Variants in NHSL1 observed in about 807,000 individuals in gnomAD.
The protein encoded by NHSL1 is NHS-like protein 1.
Under a neutral mutation model 95.0 loss-of-function variants are expected in NHSL1, and 48 were observed. The observed-to-expected ratio is 0.51, with a 90% CI of 0.40 to 0.64. The LOEUF (loss-of-function observed/expected upper bound fraction) is 0.64, where lower values mean the gene tolerates loss of function less well. Ranked by LOEUF, NHSL1 falls within the 30% of genes least tolerant of loss-of-function variation. NHSL1 has a pLI of 0.00. For synonymous variants in NHSL1, 783 were observed against 833.9 expected (o/e 0.94, Z 1.05); for missense variants, 1,971 against 2,077.7 (o/e 0.95, Z 1.00).
At chr6:138,608,722 A>G (rs1176435790) in intron 1 of NHSL1, among the ~76,000 whole-genome samples, 1 of 152,272 alleles carries the variant, frequency 6.6e-6, no homozygotes, top group Non-Finnish European at 1.5e-5. Context: ...AAAACAAAGC[A>G]GAGCGGCCTC....
intron 1 of NHSL1, among the ~76,000 whole-genome samples, chr6:138,664,943 C>T (rs1302003495): frequency 6.6e-6 from 1 of 152,118 alleles, no homozygotes; most frequent in African/African-American, 2.4e-5. Flanking sequence ...ATGAGGCCCA[C>T]CCAGCTTTAT....
At chr6:138,647,054 T>C (rs7769975) in intron 1 of NHSL1, among the ~76,000 whole-genome samples, 4,300 of 152,306 alleles carry the variant, frequency 0.028, 205 homozygotes, top group African/African-American at 0.097. Flanking sequence ...GGTCATCATT[T>C]GCATCCACTA....
At chr6:138,485,503 T>G (rs1779672798) in intron 2 of NHSL1, among the ~76,000 whole-genome samples, 1 of 150,664 alleles carries the variant, frequency 6.6e-6, no homozygotes, top group South Asian at 2.1e-4. Context: ...TCTTTAACTA[T>G]CTGAAAAAGC....
chr6:138,588,283 T>A lies in NHSL1; in HGVS notation c.97-91912A>T, dbSNP rs1258262928. ...TTCAAGACCAGCCTGGGCAACATGG[T>A]GAAACCCCGCCTCTACTAAAAATAC... On this transcript the variant is annotated intron_variant, in intron 1 of 3. Transcript: ENST00000491526. Among the ~76,000 whole-genome samples the A allele has an allele frequency of 4.6e-5, 7 of 152,110 alleles. 1 individual carries two copies. The highest frequency in any genetic ancestry group is 2.6e-4 in the Admixed American group (4 of 15,268).
At chr6:138,662,185 AAT>A (rs1785236608) in intron 1 of NHSL1, among the ~76,000 whole-genome samples, 1 of 152,004 alleles carries the variant, frequency 6.6e-6, no homozygotes, top group Non-Finnish European at 1.5e-5. Flanking sequence ...CTTTGCCCTA[AAT>A]AGTTATCTTT....
At chr6:138,463,701 C>A (rs1380097106) in intron 3 of NHSL1, among the ~76,000 whole-genome samples, 1 of 151,922 alleles carries the variant, frequency 6.6e-6, no homozygotes, top group Non-Finnish European at 1.5e-5. Flanking sequence ...TTTGTCCCCA[C>A]CCCGCTGACA....
chr6:138,447,771 A>T (rs538906308), intron 3 of NHSL1, among the ~76,000 whole-genome samples: 1 of 151,826 alleles, frequency 6.6e-6, no homozygotes. Flanking sequence ...AGACTGTCTA[A>T]AAAAAAAATT....
At chr6:138,628,329 A>G (rs1784772629) in intron 1 of NHSL1, among the ~76,000 whole-genome samples, 1 of 151,996 alleles carries the variant, frequency 6.6e-6, no homozygotes, top group South Asian at 2.1e-4. Context: ...AAAAAAGAAA[A>G]AAAGTGGTAT....
intron 2 of NHSL1, among the ~76,000 whole-genome samples, chr6:138,474,750 A>C (rs1355664558): frequency 6.6e-6 from 1 of 152,250 alleles, no homozygotes; most frequent in Non-Finnish European, 1.5e-5. Flanking sequence ...AGAACACAAC[A>C]TATTTTTAAT....
chr6:138,693,172 G>C (rs1469791968), upstream of NHSL1, among the ~76,000 whole-genome samples: 1 of 151,438 alleles, frequency 6.6e-6, no homozygotes, highest in Non-Finnish European at 1.5e-5. The surrounding 1 kb of genome is among the most constrained non-coding windows in gnomAD (Gnocchi z 4.3). Context: ...CCCTCCCTCC[G>C]GATTGGAGAG....
At chr6:138,634,105 C>G (rs982021862) in intron 1 of NHSL1, among the ~76,000 whole-genome samples, 2 of 151,928 alleles carry the variant, frequency 1.3e-5, no homozygotes, top group Non-Finnish European at 2.9e-5. Context: ...ATCATATCGC[C>G]AGAGAAAATC....
chr6:138,510,965 G>A (rs1781193808), intron 1 of NHSL1, among the ~76,000 whole-genome samples: 2 of 151,980 alleles, frequency 1.3e-5, no homozygotes, highest in South Asian at 4.2e-4. Flanking sequence ...GTTATTAGAG[G>A]GCAATACAAT....
chr6:138,572,800 T>C (rs1783887880), upstream of NHSL1, among the ~76,000 whole-genome samples: 1 of 151,986 alleles, frequency 6.6e-6, no homozygotes, highest in African/African-American at 2.4e-5. Context: ...TTATGAATTA[T>C]CAAACCATAC....
At chr6:138,458,981 C>T (rs1445497693) in intron 3 of NHSL1, among the ~76,000 whole-genome samples, 1 of 151,980 alleles carries the variant, frequency 6.6e-6, no homozygotes, top group Non-Finnish European at 1.5e-5. Context: ...TTATTCAAAT[C>T]TTATTTGTGT....
At chr6:138,482,698 C>T (rs765383424) in intron 2 of NHSL1, among the ~76,000 whole-genome samples, 7 of 152,104 alleles carry the variant, frequency 4.6e-5, no homozygotes, top group Non-Finnish European at 1.0e-4. Context: ...ACCAGTTTCT[C>T]AAGTCACCTT....
At chr6:138,453,923 T>C (rs1004349810) in intron 3 of NHSL1, among the ~76,000 whole-genome samples, 1 of 152,238 alleles carries the variant, frequency 6.6e-6, no homozygotes, top group African/African-American at 2.4e-5. Context: ...TAAGCGATCC[T>C]TTCCTCAAAT....
intron 1 of NHSL1, among the ~76,000 whole-genome samples, chr6:138,584,309 G>A (rs1218785747): frequency 7.4e-6 from 1 of 135,476 alleles, no homozygotes; most frequent in East Asian, 1.9e-4. Context: ...TTGATTAAGG[G>A]CATAGCTGTT....
rs1775052207 is a variant in NHSL1 at position 138,423,668 on chromosome 6, T to C, written c.*413A>G. ...ATAAACGTAATTCTCTGAAAGCAAT[T>C]ACCGCCTAGACCAGAGGACTCCGTT... On this transcript the variant is annotated 3_prime_UTR_variant, in exon 8 of 8. Transcript: ENST00000343505. 1 of 158,636 alleles carries C rather than the reference T, an allele frequency of 6.3e-6. No homozygotes were observed. The highest frequency in any genetic ancestry group is 2.4e-5 in the African/African-American group (1 of 41,662). 9.8% of individuals were successfully genotyped at this position (158,636 alleles called of 1,614,324 possible). A position where few individuals can be genotyped will look rare whatever the true frequency, so the allele number is the denominator to read the frequency against.
chr6:138,615,480 T>C (rs954838505), intron 1 of NHSL1, among the ~76,000 whole-genome samples: 4 of 152,384 alleles, frequency 2.6e-5, no homozygotes, highest in Non-Finnish European at 5.9e-5. Flanking sequence ...AGGTTCTTTT[T>C]TTCTTTTTGA....
Sources: gnomAD v4.1 joint callset for allele counts (sites outside exome capture counted in the v4.1 genomes callset) on GRCh38, gnomAD v4.1.1 for gene constraint, Gnocchi (gnomAD v3.1) non-coding constraint, MANE v1.5 for transcripts, NCBI Gene and HGNC (gene_info 2026-07-23, HGNC 2026-07-21) for gene names.